The following POLN variants were observed in gnomAD, a reference collection of about 807,000 sequenced individuals.
POLN encodes the protein DNA polymerase nu.
A neutral mutation model predicts 113.5 loss-of-function variants in POLN; 108 were observed. The ratio of observed to expected loss-of-function variants is 0.95; its 90% CI spans 0.81 to 1.12. The LOEUF is 1.12. Ranked by LOEUF, POLN falls within the 50% of genes most tolerant of loss-of-function variation. POLN has a pLI of 0.00. For missense variants in POLN, 1,097 were observed against 1,077.1 expected (o/e 1.02, Z -0.26); for synonymous variants, 386 against 391.5 (o/e 0.99, Z 0.17).
At chr4:2,179,263 A>G in intron 8 of POLN, 45 bp downstream of exon 8, 1 of 1,521,442 alleles carries the variant, frequency 6.6e-7, no homozygotes, top group East Asian at 2.3e-5. Context: ...TCCAGAAAAA[A>G]TAGGATGTAT....
intron 2 of POLN, chr4:2,230,688 C>T (rs1734549549): frequency 6.6e-6 from 1 of 151,778 alleles, no homozygotes; most frequent in South Asian, 2.1e-4. Context: ...TCCATAAAGA[C>T]CACCCAAAAC....
At chr4:2,129,882 G>A (rs1731677666) in intron 17 of POLN, among the ~76,000 whole-genome samples, 1 of 152,168 alleles carries the variant, frequency 6.6e-6, no homozygotes, top group South Asian at 2.1e-4. Flanking sequence ...ATGTGGGAAG[G>A]GGCAGCAGGG....
intron 7 of POLN, among the ~76,000 whole-genome samples, chr4:2,183,354 G>A (rs1319200802): frequency 1.3e-5 from 2 of 152,150 alleles, no homozygotes; most frequent in Non-Finnish European, 2.9e-5. Context: ...TTACACCAAA[G>A]TTCATAGAAG....
intron 25 of POLN, 67 bp from the exon 26 acceptor site, chr4:2,072,366 C>T (rs910688907): frequency 2.2e-6 from 3 of 1,378,146 alleles, no homozygotes; most frequent in African/African-American, 1.5e-5. Context: ...TCCCAGACCC[C>T]AAGCAGGGGG....
At position 2,089,528 on chromosome 4, in the gene POLN, T is replaced by A. The variant is rs901258863; in HGVS notation, c.2066-3784A>T. On this transcript the variant is annotated intron_variant, in intron 20 of 25. Coordinates refer to ENST00000511885, the MANE Select transcript of POLN (RefSeq NM_181808.4). ...TGGGAAAACTGCAAATTATCATTTT[T>A]AAAAATGTAATTCTTGGCACTTTGT... The A allele has an allele frequency of 1.0e-5, 13 of 1,265,244 alleles. No individual in the cohort carries two copies. The East Asian group carries it at 1.5e-4, about 15-fold the overall frequency. The allele number at this position is 1,265,244 out of a possible 1,614,324, so 78.4% of individuals were successfully genotyped here.
chr4:2,238,610 G>A lies in POLN; in HGVS notation c.-13+2910C>T, dbSNP rs73796992. ...AACAATGAAGCATACGTACCTATGA[G>A]TAGAATAATCCTTAGTATCAATGGT... is the stretch of plus-strand genomic sequence containing the variant. On this transcript the variant is annotated intron_variant, in intron 2 of 25. Transcript: ENST00000511885. 614 of 1,577,282 alleles carry A rather than the reference G, an allele frequency of 3.9e-4. 1 individual carries two copies. The African/African-American group carries it at 7.3e-3, about 19-fold the overall frequency.
intron 6 of POLN, among the ~76,000 whole-genome samples, chr4:2,194,491 A>C (rs1198828362): frequency 6.6e-6 from 1 of 152,122 alleles, no homozygotes; most frequent in Non-Finnish European, 1.5e-5. Context: ...AGCGCCAATA[A>C]CACAGCTTCA....
At chr4:2,204,107 C>T (rs1577769086) in intron 5 of POLN, among the ~76,000 whole-genome samples, 1 of 15,182 alleles carries the variant, frequency 6.6e-5, no homozygotes, top group Non-Finnish European at 1.1e-4. Context: ...AAAACTCTAT[C>T]ACAAAAAAAA....
chr4:2,162,107 C>T (rs1037041916), intron 13 of POLN, among the ~76,000 whole-genome samples: 11 of 152,138 alleles, frequency 7.2e-5, no homozygotes, highest in Non-Finnish European at 1.2e-4. Flanking sequence ...AGCGGCAACC[C>T]GCTCCGGTCC....
intron 7 of POLN, among the ~76,000 whole-genome samples, chr4:2,188,921 A>G (rs1365911903): frequency 6.6e-6 from 1 of 152,112 alleles, no homozygotes. Context: ...TTTTTCCTTT[A>G]TTTGTTTGTT....
chr4:2,176,644 T>C (rs1339614645), intron 8 of POLN, among the ~76,000 whole-genome samples: 1 of 152,134 alleles, frequency 6.6e-6, no homozygotes, highest in Non-Finnish European at 1.5e-5. Flanking sequence ...GGTACAATGA[T>C]TAAATGGTAG....
intron 3 of POLN, chr4:2,228,348 C>CTTTTTTTT: frequency 5.3e-6 from 1 of 187,982 alleles, no homozygotes; most frequent in Non-Finnish European, 1.1e-5. Flanking sequence ...ACTGCTTTCA[C>CTTTTTTTT]TTTTTTTTTT....
In POLN at chr4:2,086,535, G is replaced by A. The variant is rs564996483; in HGVS notation, c.2066-791C>T. Among the ~76,000 whole-genome samples, 30 of 152,268 alleles carry A rather than the reference G, an allele frequency of 2.0e-4. No homozygotes were observed. In the South Asian group the frequency reaches 6.2e-3, roughly 32 times the overall value. On this transcript the variant is annotated intron_variant, in intron 20 of 25. Coordinates refer to ENST00000511885, the MANE Select transcript of POLN (RefSeq NM_181808.4). Reference sequence around the variant, plus strand: ...TCAGCTGGGAGCCCCATGAGCTAAGGCATGGGAAGTTCTAAGCAGTGTGTG... The same window carrying A: ...TCAGCTGGGAGCCCCATGAGCTAAGACATGGGAAGTTCTAAGCAGTGTGTG...
chr4:2,081,495 T>C, intron 22 of POLN, 138 bp downstream of exon 22: 2 of 771,122 alleles, frequency 2.6e-6, no homozygotes, highest in South Asian at 1.7e-5. Context: ...AGGACATGGG[T>C]AGTGTAAGCT....
chr4:2,170,648 A>T (rs185174121), intron 13 of POLN, 31 bp downstream of exon 13: 1 of 1,578,804 alleles, frequency 6.3e-7, no homozygotes, highest in East Asian at 2.2e-5. Context: ...CTGTCATTCT[A>T]AAAAGAAAAA....
At chr4:2,181,411 G>T (rs948835284) in intron 7 of POLN, among the ~76,000 whole-genome samples, 1 of 151,986 alleles carries the variant, frequency 6.6e-6, no homozygotes, top group Non-Finnish European at 1.5e-5. Flanking sequence ...CTCCCAAAGT[G>T]CTGGGATTAC....
chr4:2,081,412 C>T (rs1302938334), intron 22 of POLN: 6 of 621,244 alleles, frequency 9.7e-6, no homozygotes, highest in South Asian at 7.6e-5. Flanking sequence ...CCAGTTCTTG[C>T]GGGAATCATC....
At chr4:2,130,666 T>C (rs1731705513) in intron 17 of POLN, among the ~76,000 whole-genome samples, 1 of 152,178 alleles carries the variant, frequency 6.6e-6, no homozygotes, top group South Asian at 2.1e-4. Flanking sequence ...TTTTCTTTAT[T>C]GGGAGGCTGG....
At chr4:2,141,431 C>A (rs1242413049) in intron 16 of POLN, among the ~76,000 whole-genome samples, 2 of 152,194 alleles carry the variant, frequency 1.3e-5, no homozygotes, top group African/African-American at 4.8e-5. Context: ...TACATACCCC[C>A]CGGCACCTGA....
Sources: gnomAD v4.1 joint callset for allele counts (sites outside exome capture counted in the v4.1 genomes callset) on GRCh38, gnomAD v4.1.1 for gene constraint, MANE v1.5 for transcripts, NCBI Gene and HGNC (gene_info 2026-07-23, HGNC 2026-07-21) for gene names.